ADAM10: variants seen among roughly 807,000 people sequenced by gnomAD.
The protein encoded by ADAM10 is disintegrin and metalloproteinase domain-containing protein 10.
ADAM10 carries 17 observed loss-of-function variants against 90.1 expected under a neutral mutation model. The ratio of observed to expected loss-of-function variants is 0.19; its 90% CI spans 0.13 to 0.28. The LOEUF is 0.28. ADAM10 is among the 10% of genes least tolerant of loss of function. The pLI is 1.00. For synonymous variants in ADAM10, 310 were observed against 298.6 expected, an observed-to-expected ratio of 1.04 and a Z score of -0.40; for missense variants, 610 against 914.3, an observed-to-expected ratio of 0.67 and a Z score of 4.29.
intron 5 of ADAM10, among the ~76,000 whole-genome samples, chr15:58,660,239 G>C (rs1010885701): frequency 3.3e-5 from 5 of 151,674 alleles, no homozygotes; most frequent in African/African-American, 7.3e-5. Flanking sequence ...GCCTGGGCTG[G>C]AGTACACTGG....
At chr15:58,688,634 A>C (rs539166587) in intron 2 of ADAM10, among the ~76,000 whole-genome samples, 1 of 151,192 alleles carries the variant, frequency 6.6e-6, no homozygotes, top group East Asian at 1.9e-4. Context: ...TAAGCACAAT[A>C]AGGAGAAACC....
At chr15:58,716,743 G>C (rs1206605459) in intron 2 of ADAM10, among the ~76,000 whole-genome samples, 1 of 152,140 alleles carries the variant, frequency 6.6e-6, no homozygotes, top group Non-Finnish European at 1.5e-5. Context: ...AAACAGAGCA[G>C]AAGCGGGGAA....
chr15:58,610,602 A>AG, intron 13 of ADAM10, 85 bp from the exon 14 acceptor site: 1 of 1,389,186 alleles, frequency 7.2e-7, no homozygotes, highest in Non-Finnish European at 1.0e-6. Flanking sequence ...AAATACAAAG[A>AG]GGGAAAAAAA....
chr15:58,721,486 C>T (rs1346977230), intron 1 of ADAM10, among the ~76,000 whole-genome samples: 1 of 152,064 alleles, frequency 6.6e-6, no homozygotes, highest in East Asian at 1.9e-4. Context: ...AATTTCTATT[C>T]CCTAATACTT....
At chr15:58,622,907 CTAGGGA>C (rs1895828829) in intron 10 of ADAM10, among the ~76,000 whole-genome samples, 1 of 152,188 alleles carries the variant, frequency 6.6e-6, no homozygotes, top group Non-Finnish European at 1.5e-5. Context: ...CTGTAACTTG[CTAGGGA>C]CCATATATCC....
intron 10 of ADAM10, among the ~76,000 whole-genome samples, chr15:58,626,585 C>G (rs1334036726): frequency 1.3e-5 from 2 of 152,008 alleles, no homozygotes; most frequent in African/African-American, 2.4e-5. Flanking sequence ...ACTGGAAGAA[C>G]AAAATCTGGT....
At chr15:58,688,286 G>C (rs1000801827) in intron 2 of ADAM10, among the ~76,000 whole-genome samples, 2 of 151,982 alleles carry the variant, frequency 1.3e-5, no homozygotes, top group African/African-American at 4.8e-5. Flanking sequence ...CCAGTATTTT[G>C]GGAGGGCAAG....
chr15:58,610,606 A>G (rs1341697382), intron 13 of ADAM10, 89 bp from the exon 14 acceptor site: 20 of 1,285,994 alleles, frequency 1.6e-5, no homozygotes, highest in South Asian at 5.0e-5. Context: ...ACAAAGAGGG[A>G]AAAAAAACTG....
intron 1 of ADAM10, chr15:58,732,702 C>T (rs1257834608): frequency 7.0e-6 from 1 of 142,816 alleles, no homozygotes; most frequent in African/African-American, 2.6e-5. Flanking sequence ...GAGCAAGACT[C>T]CATCTCAAAA....
At chr15:58,638,060 A>T (rs1417901350) in intron 8 of ADAM10, among the ~76,000 whole-genome samples, 1 of 152,164 alleles carries the variant, frequency 6.6e-6, no homozygotes, top group Non-Finnish European at 1.5e-5. Flanking sequence ...GGACCAAAGG[A>T]ACAAAGATCC....
At chr15:58,693,212 G>C (rs1897881031) in intron 2 of ADAM10, 1 of 660,862 alleles carries the variant, frequency 1.5e-6, no homozygotes, top group South Asian at 1.4e-5. Context: ...AAAGGAAAAG[G>C]CTTACAAGTA....
intron 11 of ADAM10, among the ~76,000 whole-genome samples, chr15:58,618,706 A>C (rs1308408635): frequency 6.6e-6 from 1 of 152,220 alleles, no homozygotes; most frequent in Non-Finnish European, 1.5e-5. Context: ...TGACCTAAAT[A>C]AACATTTTTC....
At chr15:58,681,711 G>A (rs1408686822) in intron 3 of ADAM10, among the ~76,000 whole-genome samples, 1 of 152,168 alleles carries the variant, frequency 6.6e-6, no homozygotes, top group Non-Finnish European at 1.5e-5. Context: ...TCAATTTGAT[G>A]CAGCAAGAGA....
At chr15:58,704,376 CG>C (rs1898221013) in intron 2 of ADAM10, among the ~76,000 whole-genome samples, 1 of 151,986 alleles carries the variant, frequency 6.6e-6, no homozygotes, top group South Asian at 2.1e-4. Flanking sequence ...GATATGGTGA[CG>C]GTTGCACAAC....
rs1015212460 is a variant in ADAM10, at chr15:58,694,862, A to G, written c.207-12548T>C. Among the ~76,000 whole-genome samples, 4 of 152,158 alleles carry G rather than the reference A, an allele frequency of 2.6e-5. 1 individual carries two copies. The South Asian group carries it at 8.3e-4, about 32-fold the overall frequency. On this transcript the variant is annotated intron_variant, in intron 2 of 15. Coordinates refer to ENST00000260408, the MANE Select transcript of ADAM10 (RefSeq NM_001110.4). ...AACAGTCAAAATCTATCTAGTAGTG[A>G]CAGGAAGCAAATCAGTAGTTGCCTA...
At chr15:58,636,935 A>C (rs542037030) in intron 8 of ADAM10, among the ~76,000 whole-genome samples, 2 of 152,344 alleles carry the variant, frequency 1.3e-5, no homozygotes, top group South Asian at 4.1e-4. Context: ...TTTGGCTTTC[A>C]AGTCTGGAGA....
rs186511607 is a variant in ADAM10 at position 58,610,423 on chromosome 15, G to A, written c.1899C>T (p.Asn633=). 23 of 1,614,102 alleles carry A rather than the reference G, an allele frequency of 1.4e-5. No individual in the cohort carries two copies. The highest frequency in any genetic ancestry group is 6.6e-5 in the South Asian group (6 of 91,090). ...AAACATCACAGTAACCTCTAAAATC[G>A]TTGCAAGGGGATCCAGGTTGCAGGG... ...TITLQPGSPC[N]DFRGYCDVFM... Residue 633 remains asparagine, a synonymous_variant, in exon 14 of 16, where the codon AAC becomes AAT. Transcript: ENST00000260408.
rs762225914 is a variant in ADAM10 at position 58,692,982 on chromosome 15, T to A, written c.207-10668A>T. The A allele has an allele frequency of 5.2e-6, 4 of 766,410 alleles. No homozygotes were observed. In the East Asian group the frequency reaches 8.6e-5, roughly 16 times the overall value. 47.5% of individuals were successfully genotyped at this position (766,410 alleles called of 1,614,324 possible). ...CCCGAGGGTTGGGGATGATGTCAAT[T>A]TTCAGTTCTTTACCACCGTCCAACT... On this transcript the variant is annotated intron_variant, in intron 2 of 15. Coordinates refer to ENST00000260408, the MANE Select transcript of ADAM10 (RefSeq NM_001110.4).
At chr15:58,717,455 G>A (rs1471764438) in intron 2 of ADAM10, 122 bp downstream of exon 2, 1 of 1,246,450 alleles carries the variant, frequency 8.0e-7, no homozygotes, top group Non-Finnish European at 1.1e-6. Flanking sequence ...AATTCCAGTG[G>A]AAATGGAATT....
Sources: gnomAD v4.1 joint callset for allele counts (sites outside exome capture counted in the v4.1 genomes callset) on GRCh38, gnomAD v4.1.1 for gene constraint, MANE v1.5 for transcripts, NCBI Gene and HGNC (gene_info 2026-07-23, HGNC 2026-07-21) for gene names.